The following HELQ variants were observed in gnomAD, a reference collection of about 807,000 sequenced individuals.
The protein encoded by HELQ is helicase POLQ-like.
HELQ carries 77 observed loss-of-function variants against 111.6 expected under a neutral mutation model. The ratio of observed to expected loss-of-function variants is 0.69; its 90% CI spans 0.57 to 0.83. HELQ has a LOEUF of 0.83. Ranked by LOEUF, HELQ falls within the 40% of genes least tolerant of loss-of-function variation. The pLI is 0.00. For synonymous variants in HELQ, 438 were observed against 454.7 expected, an observed-to-expected ratio of 0.96 and a Z score of 0.47; for missense variants, 1,200 against 1,288.5, an observed-to-expected ratio of 0.93 and a Z score of 1.05.
chr4:83,440,073 C>T, intron 7 of HELQ, 65 bp from the exon 8 acceptor site: 1 of 1,273,620 alleles, frequency 7.9e-7, no homozygotes, highest in Admixed American at 2.3e-5. Flanking sequence ...AATTTTTTAC[C>T]AGTGTGATTT....
chr4:83,443,376 C>A (rs1720878257), intron 6 of HELQ, 141 bp downstream of exon 6: 3 of 451,276 alleles, frequency 6.6e-6, no homozygotes, highest in Non-Finnish European at 1.2e-5. Flanking sequence ...TACACAACCT[C>A]TTATTAGCAT....
chr4:83,451,317 C>T (rs974245799), intron 2 of HELQ, among the ~76,000 whole-genome samples: 8 of 151,888 alleles, frequency 5.3e-5, no homozygotes, highest in African/African-American at 1.9e-4. Flanking sequence ...AGTGACAATC[C>T]CCAGCAGTTG....
At chr4:83,413,233 G>T (rs1018095898) in intron 17 of HELQ, among the ~76,000 whole-genome samples, 7 of 152,154 alleles carry the variant, frequency 4.6e-5, no homozygotes, top group Admixed American at 1.3e-4. Context: ...ACCCAGAGAA[G>T]AGGTTGAGGG....
intron 5 of HELQ, among the ~76,000 whole-genome samples, chr4:83,444,717 A>G (rs1017686867): frequency 1.3e-5 from 2 of 152,228 alleles, no homozygotes. Flanking sequence ...TGAAAGAGGA[A>G]TAAGTGGGAG....
chr4:83,445,620 G>A (rs1721009180), intron 5 of HELQ, among the ~76,000 whole-genome samples: 1 of 152,096 alleles, frequency 6.6e-6, no homozygotes, highest in Non-Finnish European at 1.5e-5. Flanking sequence ...TTATGGTGAT[G>A]ATGATGATGG....
At chr4:83,426,149 A>C in intron 13 of HELQ, 57 bp from the exon 14 acceptor site, 1 of 855,658 alleles carries the variant, frequency 1.2e-6, no homozygotes, top group Non-Finnish European at 2.0e-6. Context: ...ATGTGAACCA[A>C]ATCCAGTATT....
intron 17 of HELQ, among the ~76,000 whole-genome samples, chr4:83,411,023 G>T (rs1739060598): frequency 1.3e-5 from 2 of 151,612 alleles, no homozygotes; most frequent in South Asian, 2.1e-4. Flanking sequence ...AGCTGGGTGT[G>T]GTGGTGCATG....
At chr4:83,421,421 A>G (rs575344873) in intron 15 of HELQ, 142 bp downstream of exon 15, 5 of 611,648 alleles carry the variant, frequency 8.2e-6, no homozygotes, top group Non-Finnish European at 1.4e-5. Flanking sequence ...CGTACATTTT[A>G]AATAGTTTTT....
intron 9 of HELQ, among the ~76,000 whole-genome samples, 196 bp downstream of exon 9, chr4:83,436,662 G>A (rs77811850): frequency 0.024 from 3,623 of 152,140 alleles, 139 homozygotes; most frequent in African/African-American, 0.082. Context: ...ATCTATTAAC[G>A]TTATTTTTCA....
At chr4:83,425,097 T>C (rs1253234329) in intron 14 of HELQ, among the ~76,000 whole-genome samples, 9 of 151,612 alleles carry the variant, frequency 5.9e-5, no homozygotes, top group Non-Finnish European at 1.0e-4. Context: ...CTGGCCAACA[T>C]GGTGAAACCC....
At position 83,407,391 on chromosome 4, in the gene HELQ, T is replaced by C; in HGVS notation, c.*62A>G. 1 of 1,037,108 alleles carries C rather than the reference T, an allele frequency of 9.6e-7. No individual in the cohort carries two copies. Among genetic ancestry groups the C allele is most frequent in the South Asian group, 1.5e-5 (1 of 65,548 alleles). The allele number at this position is 1,037,108 out of a possible 1,614,324, so 64.2% of individuals were successfully genotyped here. Reference sequence around the variant, plus strand: ...ATTTTTTCATTTATAAAGTATAAGTTATCTTTAATAACACACATGTACAAT... The same window carrying C: ...ATTTTTTCATTTATAAAGTATAAGTCATCTTTAATAACACACATGTACAAT... On this transcript the variant is annotated 3_prime_UTR_variant, in exon 18 of 18. Transcript: ENST00000295488.
intron 7 of HELQ, among the ~76,000 whole-genome samples, chr4:83,441,031 T>A (rs1720729080): frequency 6.6e-6 from 1 of 152,232 alleles, no homozygotes; most frequent in African/African-American, 2.4e-5. Flanking sequence ...TCTCTTCTGT[T>A]CCAGATTGAT....
intron 9 of HELQ, among the ~76,000 whole-genome samples, chr4:83,433,395 T>C (rs1181991687): frequency 2.0e-5 from 3 of 152,044 alleles, no homozygotes; most frequent in Middle Eastern, 3.4e-3. Context: ...TGGCGGGGCG[T>C]GGTGGCTCAC....
intron 9 of HELQ, 65 bp downstream of exon 9, chr4:83,436,793 C>T: frequency 6.5e-7 from 1 of 1,536,636 alleles, no homozygotes; most frequent in South Asian, 1.3e-5. Context: ...CATAAAACAA[C>T]AAAACTCCTC....
intron 2 of HELQ, among the ~76,000 whole-genome samples, chr4:83,451,086 G>A (rs892963491): frequency 2.0e-5 from 3 of 152,194 alleles, no homozygotes; most frequent in African/African-American, 7.2e-5. Context: ...ATGCATTTAT[G>A]CTTTAATCTG....
intron 5 of HELQ, 32 bp from the exon 6 acceptor site, chr4:83,443,646 T>G: frequency 1.0e-6 from 1 of 963,436 alleles, no homozygotes. Flanking sequence ...GCCAAAGTGT[T>G]AAGGAAAATA....
chr4:83,445,924 G>T, intron 5 of HELQ, 90 bp downstream of exon 5: 1 of 835,738 alleles, frequency 1.2e-6, no homozygotes, highest in Non-Finnish European at 2.0e-6. Context: ...CTTGCTTTAG[G>T]TTACATACTG....
chr4:83,423,605 T>A (rs927222975), intron 14 of HELQ, among the ~76,000 whole-genome samples: 1 of 152,136 alleles, frequency 6.6e-6, no homozygotes, highest in African/African-American at 2.4e-5. Context: ...TACAATGCTT[T>A]ATGCCAATGT....
intron 11 of HELQ, among the ~76,000 whole-genome samples, chr4:83,430,191 G>C (rs1199588176): frequency 2.0e-5 from 3 of 150,088 alleles, no homozygotes; most frequent in Non-Finnish European, 3.0e-5. Context: ...CAGTTTCTGG[G>C]TGCAGCACAC....
Sources: gnomAD v4.1 joint callset for allele counts (sites outside exome capture counted in the v4.1 genomes callset) on GRCh38, gnomAD v4.1.1 for gene constraint, MANE v1.5 for transcripts, NCBI Gene and HGNC (gene_info 2026-07-23, HGNC 2026-07-21) for gene names.